Variants in TRIM9 observed in about 807,000 individuals in gnomAD.
TRIM9 encodes E3 ubiquitin-protein ligase TRIM9.
TRIM9 carries 26 observed loss-of-function variants against 78.3 expected under a neutral mutation model. The ratio of observed to expected loss-of-function variants is 0.33; its 90% CI spans 0.24 to 0.46. The LOEUF (loss-of-function observed/expected upper bound fraction) is 0.46. Ranked by LOEUF, TRIM9 falls within the 20% of genes least tolerant of loss-of-function variation. TRIM9 has a pLI of 1.00. For missense variants in TRIM9, 787 were observed against 1,036.4 expected, an observed-to-expected ratio of 0.76 and a Z score of 3.30; for synonymous variants, 398 against 416.5, an observed-to-expected ratio of 0.96 and a Z score of 0.54.
intron 3 of TRIM9, among the ~76,000 whole-genome samples, chr14:51,021,737 T>C (rs889642599): frequency 5.9e-5 from 9 of 152,220 alleles, no homozygotes; most frequent in Non-Finnish European, 1.0e-4. Context: ...GGACCCCTTC[T>C]GGTTTGCTCT....
At chr14:51,001,524 C>T (rs2055044581) in intron 5 of TRIM9, among the ~76,000 whole-genome samples, 2 of 152,156 alleles carry the variant, frequency 1.3e-5, no homozygotes, top group Non-Finnish European at 2.9e-5. Context: ...CCACCGCGCC[C>T]GGCCGCTGTG....
intron 2 of TRIM9, among the ~76,000 whole-genome samples, chr14:51,024,847 G>A (rs569905258): frequency 4.3e-4 from 65 of 152,100 alleles, no homozygotes; most frequent in Non-Finnish European, 8.8e-4. Context: ...AGGCAGGAAG[G>A]AAATGAAGGA....
At chr14:51,046,761 A>G (rs2059981676) in intron 1 of TRIM9, among the ~76,000 whole-genome samples, 1 of 152,224 alleles carries the variant, frequency 6.6e-6, no homozygotes, top group Non-Finnish European at 1.5e-5. Flanking sequence ...GCAAATTAAA[A>G]ACTCTATACC....
At chr14:51,007,885 C>T (rs144004959) in intron 5 of TRIM9, among the ~76,000 whole-genome samples, 176 of 151,364 alleles carry the variant, frequency 1.2e-3, no homozygotes, top group African/African-American at 4.1e-3. Context: ...AGTACAGGAA[C>T]GCATTTAACT....
At chr14:51,066,832 C>T (rs1340604799) in intron 1 of TRIM9, among the ~76,000 whole-genome samples, 1 of 152,106 alleles carries the variant, frequency 6.6e-6, no homozygotes, top group African/African-American at 2.4e-5. Context: ...TGGTCGCCTG[C>T]GATTGACTGA....
chr14:51,061,415 G>GA (rs369630215), intron 1 of TRIM9, among the ~76,000 whole-genome samples: 41,378 of 133,662 alleles, frequency 0.31, 6,364 homozygotes, highest in African/African-American at 0.41. Flanking sequence ...TCTGTCTCAA[G>GA]AAAAAAAAAA....
intron 1 of TRIM9, among the ~76,000 whole-genome samples, chr14:51,047,145 T>G (rs1345151893): frequency 6.6e-6 from 1 of 152,190 alleles, no homozygotes; most frequent in African/African-American, 2.4e-5. Context: ...GTGTTTACCA[T>G]GAAGGTCCTA....
chr14:51,020,293 G>T (rs570810892), intron 3 of TRIM9, among the ~76,000 whole-genome samples: 20 of 152,296 alleles, frequency 1.3e-4, no homozygotes, highest in African/African-American at 4.1e-4. Flanking sequence ...AGCCGTGGAG[G>T]CCTGTATCAG....
rs1459598809 is a variant in TRIM9, at chr14:50,983,105, C to A, written c.1835-140G>T. 1.5e-5 allele frequency: 12 copies of A among 823,040 alleles called. No homozygotes were observed. In the African/African-American group the frequency reaches 2.0e-4, roughly 14 times the overall value. The allele number at this position is 823,040 out of a possible 1,614,324, so 51.0% of individuals were successfully genotyped here. On this transcript the variant is annotated intron_variant, in intron 9 of 12. Coordinates refer to ENST00000684578, the MANE Select transcript of TRIM9 (RefSeq NM_001387360.1). The stretch of plus-strand genomic sequence containing the variant: ...ATGCCACATATACTAAACAGGTGCT[C>A]TCTGACTTGTACCTTTACCCACATT...
At chr14:51,064,938 G>A (rs2061623259) in intron 1 of TRIM9, among the ~76,000 whole-genome samples, 1 of 152,096 alleles carries the variant, frequency 6.6e-6, no homozygotes, top group African/African-American at 2.4e-5. Flanking sequence ...TTAAGGCACA[G>A]ATGATTTTAC....
intron 1 of TRIM9, among the ~76,000 whole-genome samples, chr14:51,032,873 C>G (rs768532765): frequency 2.0e-5 from 3 of 152,142 alleles, no homozygotes; most frequent in Non-Finnish European, 2.9e-5. Context: ...AATCCAAAAT[C>G]TGAAACATTT....
intron 7 of TRIM9, 85 bp from the exon 8 acceptor site, chr14:50,986,229 T>C (rs1596100793): frequency 8.6e-7 from 1 of 1,158,052 alleles, no homozygotes; most frequent in Non-Finnish European, 1.1e-6. Flanking sequence ...GCCTTAACAA[T>C]GCATTCATAC....
At chr14:50,980,768 A>T (rs748562442) in intron 11 of TRIM9, among the ~76,000 whole-genome samples, 135 of 152,360 alleles carry the variant, frequency 8.9e-4, no homozygotes, top group Non-Finnish European at 1.3e-3. Context: ...ATTTGCTTTC[A>T]TGGTGAAATG....
chr14:51,024,875 T>C (rs1300989090), intron 2 of TRIM9, among the ~76,000 whole-genome samples: 1 of 152,054 alleles, frequency 6.6e-6, no homozygotes, highest in Non-Finnish European at 1.5e-5. Context: ...AAGAGAAAAC[T>C]GTGGCCTGTT....
Position 51,040,548 on chromosome 14 carries a change from GACA to G in TRIM9, c.823-15191_823-15189del, listed in dbSNP as rs1365158522. 1.8e-4 allele frequency among the ~76,000 whole-genome samples: 27 copies of G among 152,286 alleles called. No homozygotes were observed. In the South Asian group the frequency reaches 4.6e-3, roughly 26 times the overall value. ...ACTGGAGCCCTGGAGTGAGGGATTGGACAACATGTATCCTCTGCTCATACTTTT... is the reference window on the plus strand; with the variant it reads ...ACTGGAGCCCTGGAGTGAGGGATTGGACATGTATCCTCTGCTCATACTTTT... On this transcript the variant is annotated intron_variant, in intron 1 of 12. Transcript: ENST00000684578.
At chr14:51,064,126 T>C (rs2061559194) in intron 1 of TRIM9, among the ~76,000 whole-genome samples, 1 of 152,130 alleles carries the variant, frequency 6.6e-6, no homozygotes, top group Admixed American at 6.5e-5. Context: ...GGTTCTGATA[T>C]TTGATGTGTA....
At chr14:51,009,502 C>T (rs2056293816) in intron 4 of TRIM9, among the ~76,000 whole-genome samples, 1 of 152,158 alleles carries the variant, frequency 6.6e-6, no homozygotes, top group Non-Finnish European at 1.5e-5. Context: ...AATATATGAT[C>T]ATGCTATTTA....
chr14:51,080,436 AAC>A (rs34062978), intron 1 of TRIM9, among the ~76,000 whole-genome samples: 9,751 of 143,806 alleles, frequency 0.068, 342 homozygotes, highest in African/African-American at 0.089. Context: ...AGTTTTATTG[AAC>A]ACACACACAC....
intron 1 of TRIM9, among the ~76,000 whole-genome samples, chr14:51,029,803 C>T (rs61093844): frequency 0.14 from 21,743 of 152,068 alleles, 2,141 homozygotes; most frequent in African/African-American, 0.28. Flanking sequence ...CACTCACATA[C>T]GGAACAGCTG....
Sources: allele counts gnomAD v4.1 joint callset (sites outside exome capture counted in the v4.1 genomes callset), GRCh38; gene constraint gnomAD v4.1.1; transcripts MANE v1.5; gene names NCBI Gene and HGNC (gene_info 2026-07-23, HGNC 2026-07-21).